The following TBL1X variants were observed in gnomAD, a reference collection of about 807,000 sequenced individuals.
The protein encoded by TBL1X is F-box-like/WD repeat-containing protein TBL1X.
A neutral mutation model predicts 50.7 loss-of-function variants in TBL1X; 10 were observed. That is an observed-to-expected ratio of 0.20 (90% CI 0.12 to 0.33). The LOEUF is 0.33. TBL1X is among the 10% of genes least tolerant of loss of function. The pLI, the probability that TBL1X is intolerant of heterozygous loss-of-function variation, is 1.00. For missense variants in TBL1X, 340 were observed against 504.4 expected (o/e 0.67, Z 3.12); for synonymous variants, 190 against 214.7 (o/e 0.88, Z 1.01).
intron 2 of TBL1X, among the ~76,000 whole-genome samples, chrX:9,522,521 G>A (rs766067398): frequency 4.5e-5 from 5 of 111,357 alleles, no homozygotes; most frequent in East Asian, 5.7e-4. Flanking sequence ...TCTGAAGGCC[G>A]AGGCTGAGCA....
intron 2 of TBL1X, among the ~76,000 whole-genome samples, chrX:9,533,248 C>T (rs1034666145): frequency 3.6e-5 from 4 of 111,536 alleles, no homozygotes; most frequent in Admixed American, 9.5e-5. Context: ...TAGACGAGCG[C>T]GAACTCCTAG....
At chrX:9,613,444 A>G (rs1481780508) in intron 2 of TBL1X, among the ~76,000 whole-genome samples, 2 of 111,714 alleles carry the variant, frequency 1.8e-5, no homozygotes, top group East Asian at 5.6e-4. Context: ...AATGTTGGGA[A>G]CCATGTGGGT....
At chrX:9,713,426 CTTTTTTTTT>C (rs1159464236) in intron 16 of TBL1X, among the ~76,000 whole-genome samples, 1 of 78,502 alleles carries the variant, frequency 1.3e-5, no homozygotes, top group Non-Finnish European at 2.4e-5. Context: ...TAGGACTTTT[CTTTTTTTTT>C]TTTTTTTTTG....
At position 9,698,343 on chromosome X, in the gene TBL1X, G is replaced by A. The variant is rs141330877; in HGVS notation, c.1114+914G>A. Among the ~76,000 whole-genome samples, 1,069 of 111,005 alleles carry A rather than the reference G, an allele frequency of 9.6e-3. 3 individuals are homozygous for A. Among genetic ancestry groups the A allele is most frequent in the Non-Finnish European group, 0.014 (752 of 53,000 alleles). On this transcript the variant is annotated intron_variant, in intron 12 of 17. Transcript: ENST00000645353. ...ACTCCCAGGATTGGTGGTTTGCTGC[G>A]AGGACCCCCAGGACTCAACATACTC...
intron 5 of TBL1X, among the ~76,000 whole-genome samples, chrX:9,657,135 A>G (rs780668288): frequency 8.9e-6 from 1 of 111,828 alleles, no homozygotes; most frequent in East Asian, 2.8e-4. Flanking sequence ...TGCAACTGGC[A>G]TTCCTCCTTC....
At chrX:9,476,425 G>A (rs1160174609) in intron 1 of TBL1X, among the ~76,000 whole-genome samples, 1 of 112,557 alleles carries the variant, frequency 8.9e-6, no homozygotes, top group Non-Finnish European at 1.9e-5. Context: ...GTTGTTGAGT[G>A]ATGACACTCT....
chrX:9,527,217 A>C (rs375586758), intron 2 of TBL1X, among the ~76,000 whole-genome samples: 18 of 112,021 alleles, frequency 1.6e-4, no homozygotes, highest in African/African-American at 5.8e-4. Flanking sequence ...GCAGCTCAGC[A>C]GCGTCTCAGG....
intron 6 of TBL1X, among the ~76,000 whole-genome samples, 174 bp from the exon 7 acceptor site, chrX:9,687,843 G>A (rs1298608968): frequency 9.0e-6 from 1 of 110,720 alleles, no homozygotes; most frequent in Non-Finnish European, 1.9e-5. Flanking sequence ...CCCACCGTGG[G>A]ATCCCTTCAC....
At chrX:9,665,867 G>T (rs753178022) in intron 5 of TBL1X, among the ~76,000 whole-genome samples, 2 of 110,215 alleles carry the variant, frequency 1.8e-5, no homozygotes, top group East Asian at 5.8e-4. Context: ...TACTTTGCAG[G>T]AAGAAGAGCT....
At chrX:9,688,552 G>A (rs1416544127) in intron 7 of TBL1X, among the ~76,000 whole-genome samples, 1 of 112,465 alleles carries the variant, frequency 8.9e-6, no homozygotes, top group Non-Finnish European at 1.9e-5. Flanking sequence ...TATTGCCCGT[G>A]ATAAACAAAA....
At chrX:9,609,161 G>A (rs762824661) in intron 2 of TBL1X, among the ~76,000 whole-genome samples, 11 of 111,695 alleles carry the variant, frequency 9.8e-5, no homozygotes, top group Admixed American at 5.7e-4. Flanking sequence ...ACCCACCGGA[G>A]GAAGTATTAG....
chrX:9,664,912 A>T (rs890512248), intron 5 of TBL1X, among the ~76,000 whole-genome samples: 4 of 111,200 alleles, frequency 3.6e-5, no homozygotes, highest in African/African-American at 1.3e-4. Context: ...ACTCTCTATT[A>T]CAATGGAGAG....
chrX:9,492,880 T>TA (rs775929282), intron 1 of TBL1X, among the ~76,000 whole-genome samples: 9,824 of 55,419 alleles, frequency 0.18, 751 homozygotes, highest in Non-Finnish European at 0.21. Flanking sequence ...TGTGTGTGTG[T>TA]GTGTGTGTGT....
intron 1 of TBL1X, among the ~76,000 whole-genome samples, chrX:9,471,746 C>CA (rs1491475711): frequency 4.5e-5 from 5 of 111,620 alleles, no homozygotes; most frequent in Non-Finnish European, 9.4e-5. Context: ...CGGCAAAACT[C>CA]ACAGTGTTTA....
At chrX:9,715,593 C>T (rs1012083290) in intron 17 of TBL1X, among the ~76,000 whole-genome samples, 2 of 112,008 alleles carry the variant, frequency 1.8e-5, no homozygotes, top group African/African-American at 3.2e-5. Context: ...AGGACCACTG[C>T]GGTCTGTGCG....
rs1239172662 is a variant in TBL1X, at chrX:9,716,153, A to T, written c.1708-67A>T. The T allele has an allele frequency of 1.0e-5, 12 of 1,158,016 alleles. No homozygotes were observed. The Admixed American group carries it at 2.7e-4, about 26-fold the overall frequency. ...TGGGCGTGGGGGCCGTAGCTTGCCGACTTCTCACTCTAAAGGCATCTTTGT... is the reference window on the plus strand; with the variant it reads ...TGGGCGTGGGGGCCGTAGCTTGCCGTCTTCTCACTCTAAAGGCATCTTTGT... On this transcript the variant is annotated intron_variant, in intron 17 of 17. Transcript: ENST00000645353.
intron 5 of TBL1X, among the ~76,000 whole-genome samples, chrX:9,662,756 A>G (rs1161396913): frequency 1.8e-5 from 2 of 111,986 alleles, no homozygotes; most frequent in Non-Finnish European, 3.8e-5. Flanking sequence ...GTTTAAGACA[A>G]GCTTGGACAA....
chrX:9,576,810 G>A (rs987333704), intron 2 of TBL1X, among the ~76,000 whole-genome samples: 4 of 109,041 alleles, frequency 3.7e-5, no homozygotes, highest in Non-Finnish European at 5.7e-5. Flanking sequence ...ACCAGCCTGG[G>A]CAACATGGTG....
chrX:9,618,043 C>G (rs1267130194), intron 2 of TBL1X, among the ~76,000 whole-genome samples: 2 of 111,454 alleles, frequency 1.8e-5, no homozygotes, highest in African/African-American at 6.5e-5. Context: ...CCAGATATTG[C>G]CAGATGTCCC....
Sources: gnomAD v4.1 joint callset for allele counts (sites outside exome capture counted in the v4.1 genomes callset) on GRCh38, gnomAD v4.1.1 for gene constraint, MANE v1.5 for transcripts, NCBI Gene and HGNC (gene_info 2026-07-23, HGNC 2026-07-21) for gene names.